ZNF257: variants seen among roughly 807,000 people sequenced by gnomAD.
ZNF257 encodes zinc finger protein 257, also known as bone marrow zinc finger 4.
ZNF257 carries 12 observed loss-of-function variants against 11.9 expected under a neutral mutation model. The observed-to-expected ratio is 1.01, with a 90% CI of 0.65 to 1.63. The LOEUF is 1.63. ZNF257 is among the 40% of genes most tolerant of loss of function. The probability of loss-of-function intolerance (pLI) is 0.00; values close to 1 mark genes in which losing one functional copy is unlikely to be tolerated. For missense variants in ZNF257, 580 were observed against 665.5 expected (o/e 0.87, Z 1.41); for synonymous variants, 183 against 222.7 (o/e 0.82, Z 1.59).
In ZNF257 at chr19:22,073,697, G is replaced by T; in HGVS notation, c.226+133G>T. The T allele has an allele frequency of 6.5e-6, 8 of 1,239,122 alleles. No homozygotes were observed. In the South Asian group the frequency reaches 8.0e-5, roughly 12 times the overall value. The allele number at this position is 1,239,122 out of a possible 1,614,324, so 76.8% of individuals were successfully genotyped here. On this transcript the variant is annotated intron_variant, in intron 3 of 3. Transcript: ENST00000594947. ...ATATAGTTTCTGGAAGCCTGAGTTT[G>T]CATTTTTTTTTTCTTTGCTCTCACA...
At chr19:22,059,190 G>T (rs1439558972) in intron 1 of ZNF257, among the ~76,000 whole-genome samples, 1 of 152,008 alleles carries the variant, frequency 6.6e-6, no homozygotes, top group East Asian at 1.9e-4. Context: ...ATGCAGGTTT[G>T]TTATATAGGT....
At chr19:22,070,360 A>G (rs2145700104) in intron 1 of ZNF257, among the ~76,000 whole-genome samples, 1 of 149,300 alleles carries the variant, frequency 6.7e-6, no homozygotes, top group East Asian at 2.0e-4. Flanking sequence ...TGACAGAGAA[A>G]CTATAAAAAT....
intron 1 of ZNF257, among the ~76,000 whole-genome samples, chr19:22,068,907 A>G (rs1394674541): frequency 1.3e-5 from 2 of 152,116 alleles, no homozygotes; most frequent in African/African-American, 4.8e-5. Context: ...GTCACTGGGA[A>G]TCCTCTCAGA....
intron 3 of ZNF257, among the ~76,000 whole-genome samples, chr19:22,084,854 T>C (rs976707955): frequency 6.6e-6 from 1 of 151,698 alleles, no homozygotes; most frequent in African/African-American, 2.4e-5. Flanking sequence ...TTTAGCCTGC[T>C]GAGTATCTGA....
intron 1 of ZNF257, among the ~76,000 whole-genome samples, chr19:22,065,326 A>G (rs968786699): frequency 6.6e-6 from 1 of 151,784 alleles, no homozygotes; most frequent in African/African-American, 2.4e-5. Flanking sequence ...CAGCCTTTCA[A>G]GTAGCTGGGA....
In ZNF257 at chr19:22,089,895, C is replaced by CA. The variant is rs1157263047; in HGVS notation, c.*455dup. ...CTGAATGATGTCACAGTGCTTTTAA[C>CA]AATACCTCAAACTTTTCTAAACATA... On this transcript the variant is annotated 3_prime_UTR_variant, in exon 4 of 4. Coordinates refer to ENST00000594947, the MANE Select transcript of ZNF257 (RefSeq NM_033468.4). 6.3e-6 allele frequency: 1 copy of CA among 159,324 alleles called. No individual in the cohort carries two copies. Among genetic ancestry groups the CA allele is most frequent in the African/African-American group, 2.4e-5 (1 of 41,408 alleles). 9.9% of individuals were successfully genotyped at this position (159,324 alleles called of 1,614,324 possible). A position where few individuals can be genotyped will look rare whatever the true frequency, so the allele number is the denominator to read the frequency against.
chr19:22,070,148 A>T (rs566555025), intron 1 of ZNF257, among the ~76,000 whole-genome samples: 1 of 148,264 alleles, frequency 6.7e-6, no homozygotes, highest in Admixed American at 6.7e-5. Flanking sequence ...GGGTCTTTTT[A>T]AATTTTTTAT....
chr19:22,073,676 A>G (rs1728593419), intron 3 of ZNF257, 112 bp downstream of exon 3: 4 of 1,351,248 alleles, frequency 3.0e-6, no homozygotes, highest in Non-Finnish European at 4.0e-6. Context: ...CAAGGGATAT[A>G]GTTTCTGGAA....
chr19:22,059,475 C>T (rs2163836), intron 1 of ZNF257, among the ~76,000 whole-genome samples: 36,047 of 151,424 alleles, frequency 0.24, 5,826 homozygotes, highest in African/African-American at 0.46. Context: ...TTTGGAGGGA[C>T]GGGGTTTCAC....
intron 1 of ZNF257, among the ~76,000 whole-genome samples, chr19:22,055,791 C>T (rs1433556287): frequency 6.6e-6 from 1 of 151,962 alleles, no homozygotes; most frequent in Non-Finnish European, 1.5e-5. Flanking sequence ...TTCGGCCGGG[C>T]GCGGTGGCTC....
intron 1 of ZNF257, among the ~76,000 whole-genome samples, chr19:22,071,737 A>G (rs1029314687): frequency 4.6e-5 from 7 of 152,138 alleles, no homozygotes; most frequent in Non-Finnish European, 7.3e-5. Context: ...TTTATAATCT[A>G]CTGTATTAAA....
At chr19:22,078,846 G>A (rs977455530) in intron 3 of ZNF257, among the ~76,000 whole-genome samples, 3 of 145,058 alleles carry the variant, frequency 2.1e-5, no homozygotes, top group Non-Finnish European at 4.5e-5. Context: ...AGGCTGGAGT[G>A]CAATGGTGCA....
At chr19:22,082,090 T>G (rs2022372809) in intron 3 of ZNF257, among the ~76,000 whole-genome samples, 1 of 146,310 alleles carries the variant, frequency 6.8e-6, no homozygotes, top group Non-Finnish European at 1.5e-5. Flanking sequence ...ATCTCATAAC[T>G]TCAACTGAAT....
chr19:22,055,717 A>G (rs1167668938), intron 1 of ZNF257, among the ~76,000 whole-genome samples: 1 of 152,136 alleles, frequency 6.6e-6, no homozygotes, highest in Non-Finnish European at 1.5e-5. Flanking sequence ...CATATGAGTC[A>G]GACACATTTG....
intron 3 of ZNF257, chr19:22,074,554 G>GT (rs1275450255): frequency 2.6e-5 from 4 of 152,140 alleles, no homozygotes; most frequent in African/African-American, 9.7e-5. Context: ...GTTTCACCAT[G>GT]TTGGCCAGGC....
intron 1 of ZNF257, among the ~76,000 whole-genome samples, chr19:22,053,106 C>T (rs12459277): frequency 0.15 from 22,964 of 152,086 alleles, 1,909 homozygotes; most frequent in Admixed American, 0.22. Context: ...CGCGGTGGCA[C>T]ACGCCTGTAA....
chr19:22,065,398 C>T (rs144356889), intron 1 of ZNF257, among the ~76,000 whole-genome samples: 7,291 of 152,020 alleles, frequency 0.048, 586 homozygotes, highest in African/African-American at 0.17. Flanking sequence ...TGGGATTTCA[C>T]CATGTTGGTC....
intron 3 of ZNF257, among the ~76,000 whole-genome samples, chr19:22,085,590 A>T (rs1314739160): frequency 2.0e-5 from 3 of 152,026 alleles, no homozygotes; most frequent in Non-Finnish European, 4.4e-5. Context: ...GAGGTATTGA[A>T]ATATCCTACT....
At chr19:22,058,128 G>A (rs2021692411) in intron 1 of ZNF257, among the ~76,000 whole-genome samples, 2 of 82,978 alleles carry the variant, frequency 2.4e-5, no homozygotes, top group Non-Finnish European at 2.2e-5. Flanking sequence ...GCTATGTGAT[G>A]GGCAAAAAAA....
Sources: allele counts gnomAD v4.1 joint callset (sites outside exome capture counted in the v4.1 genomes callset), GRCh38; gene constraint gnomAD v4.1.1; transcripts MANE v1.5; gene names NCBI Gene and HGNC (gene_info 2026-07-23, HGNC 2026-07-21).